Variants in ACOT4 observed in about 807,000 individuals in gnomAD.
The protein encoded by ACOT4 is peroxisomal succinyl-coenzyme A thioesterase.
A neutral mutation model predicts 17.1 loss-of-function variants in ACOT4; 18 were observed. The observed-to-expected ratio is 1.05, with a 90% CI of 0.73 to 1.56. ACOT4 has a LOEUF of 1.56. Ranked by LOEUF, ACOT4 falls within the 40% of genes most tolerant of loss-of-function variation. The pLI is 0.00. For missense variants in ACOT4, 574 were observed against 557.2 expected (o/e 1.03, Z -0.30); for synonymous variants, 234 against 236.6 (o/e 0.99, Z 0.10).
intron 2 of ACOT4, 70 bp downstream of exon 2, chr14:73,593,974 C>G: frequency 7.2e-7 from 1 of 1,380,406 alleles, no homozygotes; most frequent in South Asian, 1.5e-5. Flanking sequence ...ACCTTTACCA[C>G]GTGCAGAAAT....
Position 73,593,877 on chromosome 14 carries a change from C to T in ACOT4, c.633C>T (p.Ala211=), listed in dbSNP as rs770219539. ...DNISLEYFEE[A]VCYMLQHPQV... ...TATCCCTGGAGTACTTCGAAGAAGC[C>T]GTATGCTACATGCTTCAACATCCCC... Residue 211 remains alanine (A), a synonymous_variant, in exon 2 of 3, where the codon GCC becomes GCT. Coordinates refer to ENST00000326303, the MANE Select transcript of ACOT4 (RefSeq NM_152331.4). 1.5e-5 allele frequency: 25 copies of T among 1,613,432 alleles called. No individual in the cohort carries two copies. The highest frequency in any genetic ancestry group is 5.0e-5 in the Admixed American group (3 of 59,928).
chr14:73,592,408 T>C lies in ACOT4; in HGVS notation c.449T>C (p.Leu150Pro). 6.6e-7 allele frequency: 1 copy of C among 1,524,548 alleles called. No individual in the cohort carries two copies. The highest frequency in any genetic ancestry group is 8.8e-7 in the Non-Finnish European group (1 of 1,142,116). The allele number at this position is 1,524,548 out of a possible 1,614,324, so 94.4% of individuals were successfully genotyped here. A position where few individuals can be genotyped will look rare whatever the true frequency, so the allele number is the denominator to read the frequency against. ...RAGRVRATLF[L>P]PPGPGPFPGI... ...GGCCGGGTGCGCGCCACGCTCTTCC[T>C]GCCGCCAGGTGAGCCAGGCTGCTGG... Residue 150 changes from leucine (L) to proline (P), a missense_variant, in exon 1 of 3, where the codon CTG (leucine) becomes CCG (proline). Leu to Pro is a moderately conservative substitution (Grantham distance 98). Coordinates refer to ENST00000326303, the MANE Select transcript of ACOT4 (RefSeq NM_152331.4).
rs1314771221 is a variant in ACOT4, at chr14:73,595,059, C to A, written c.671C>A (p.Pro224Gln). 7 of 1,613,496 alleles carry A rather than the reference C, an allele frequency of 4.3e-6. No individual in the cohort carries two copies. Among genetic ancestry groups the A allele is most frequent in the Non-Finnish European group, 5.9e-6 (7 of 1,179,932 alleles). Residue 224 changes from proline to glutamine, a missense_variant, in exon 3 of 3, where the codon CCA (proline) becomes CAA (glutamine). Coordinates refer to ENST00000326303, the MANE Select transcript of ACOT4 (RefSeq NM_152331.4). ...CTTCTTTTCTTCCAGGTAAAAGGCC[C>A]AGGCATTGGGCTTTTGGGCATTTCT... ...YMLQHPQVKG[P>Q]GIGLLGISLG...
In ACOT4 at chr14:73,592,116, TGCGCCGACGCCC is replaced by T. The variant is rs746739002; in HGVS notation, c.161_172del (p.Ala54_Arg57del). 2.6e-6 allele frequency: 4 copies of T among 1,546,042 alleles called. No individual in the cohort carries two copies. Among genetic ancestry groups the T allele is most frequent in the South Asian group, 2.4e-5 (2 of 82,892 alleles). On this transcript the variant is annotated inframe_deletion, in exon 1 of 3. Transcript: ENST00000326303. The stretch of plus-strand genomic sequence containing the variant: ...GCTCTTCCGGGCCCACGCGCGCTAC[TGCGCCGACGCCC>T]GCGGCGAGCTGGACCTGGAGCGCGC...
At chr14:73,593,972 C>T (rs1051599976) in intron 2 of ACOT4, 68 bp downstream of exon 2, 34 of 1,398,026 alleles carry the variant, frequency 2.4e-5, no homozygotes, top group Non-Finnish European at 3.2e-5. Flanking sequence ...TAACCTTTAC[C>T]ACGTGCAGAA....
intron 1 of ACOT4, among the ~76,000 whole-genome samples, chr14:73,592,941 C>G (rs1890179163): frequency 6.6e-6 from 1 of 152,200 alleles, no homozygotes; most frequent in Admixed American, 6.5e-5. Flanking sequence ...TCTATAATAT[C>G]CCAATGAAGT....
At chr14:73,592,746 G>C (rs11159028) in intron 1 of ACOT4, among the ~76,000 whole-genome samples, 1 of 152,034 alleles carries the variant, frequency 6.6e-6, no homozygotes, top group East Asian at 1.9e-4. Flanking sequence ...CCAGCCACTC[G>C]GGAGGCTGAG....
At chr14:73,592,778 G>A (rs1464023074) in intron 1 of ACOT4, among the ~76,000 whole-genome samples, 1 of 152,146 alleles carries the variant, frequency 6.6e-6, no homozygotes, top group Non-Finnish European at 1.5e-5. Context: ...GCTTGAACCT[G>A]GGAGATGGAG....
chr14:73,595,616 C>G lies in ACOT4; in HGVS notation c.1228C>G (p.Leu410Val), dbSNP rs1029393372. The G allele has an allele frequency of 6.5e-7, 1 of 1,539,166 alleles. No homozygotes were observed. ...KQILAFFCKH[L>V]GGTQKTAVPK... ...AATTCTAGCCTTCTTCTGCAAACAC[C>G]TGGGAGGTACCCAGAAAACAGCTGT... The change falls in exon 3 of 3, where the codon CTG becomes GTG. Residue 410 changes from leucine to valine, a missense_variant. Physicochemically the swap from Leu to Val is conservative, Grantham distance 32. Transcript: ENST00000326303.
At chr14:73,593,506 T>TA (rs1160615266) in intron 1 of ACOT4, among the ~76,000 whole-genome samples, 196 bp from the exon 2 acceptor site, 405 of 139,904 alleles carry the variant, frequency 2.9e-3, no homozygotes, top group Middle Eastern at 7.1e-3. Flanking sequence ...ACTGACTAAT[T>TA]AAAAAAAAAA....
chr14:73,595,467 A>G lies in ACOT4; in HGVS notation c.1079A>G (p.His360Arg), dbSNP rs1890231911. The G allele has an allele frequency of 6.2e-7, 1 of 1,614,176 alleles. No individual in the cohort carries two copies. Among genetic ancestry groups the G allele is most frequent in the East Asian group, 2.2e-5 (1 of 44,876 alleles). ...PQIICYPGTG[H>R]YIEPPYFPLC... ...ATCATCTGTTACCCTGGGACTGGGC[A>G]TTACATCGAGCCTCCTTACTTCCCC... Residue 360 changes from histidine to arginine, a missense_variant, in exon 3 of 3, where the codon CAT (histidine) becomes CGT (arginine). Coordinates refer to ENST00000326303, the MANE Select transcript of ACOT4 (RefSeq NM_152331.4).
intron 2 of ACOT4, 27 bp from the exon 3 acceptor site, chr14:73,595,022 C>G: frequency 1.9e-6 from 3 of 1,609,312 alleles, no homozygotes; most frequent in Non-Finnish European, 2.5e-6. Context: ...GTTATTGACT[C>G]AACTCTCCTC....
At chr14:73,592,656 C>G (rs1890175294) in intron 1 of ACOT4, among the ~76,000 whole-genome samples, 1 of 152,138 alleles carries the variant, frequency 6.6e-6, no homozygotes, top group Admixed American at 6.5e-5. Flanking sequence ...AGTTTGAGAC[C>G]AGACTGGCCA....
intron 1 of ACOT4, 77 bp downstream of exon 1, chr14:73,592,493 T>C: frequency 7.1e-7 from 1 of 1,411,960 alleles, no homozygotes; most frequent in South Asian, 1.5e-5. Context: ...GATTTAGCAC[T>C]GGTTTGGTTT....
Position 73,595,755 on chromosome 14 carries a change from C to A in ACOT4, c.*101C>A. 1 of 1,338,982 alleles carries A rather than the reference C, an allele frequency of 7.5e-7. No homozygotes were observed. The highest frequency in any genetic ancestry group is 2.0e-5 in the South Asian group (1 of 49,666). 82.9% of individuals were successfully genotyped at this position (1,338,982 alleles called of 1,614,324 possible). ...CTCCTGGATAACATTAAAGCCATGT[C>A]TTTGTCATTAATGGTGTATTTTACG... On this transcript the variant is annotated 3_prime_UTR_variant, in exon 3 of 3. Transcript: ENST00000326303.
Position 73,595,615 on chromosome 14 carries a change from C to T in ACOT4, c.1227C>T (p.His409=). ...WKQILAFFCK[H]LGGTQKTAVP... is the part of the protein sequence containing the mutation. ...AAATTCTAGCCTTCTTCTGCAAACACCTGGGAGGTACCCAGAAAACAGCTG... is the reference window on the plus strand; with the variant it reads ...AAATTCTAGCCTTCTTCTGCAAACATCTGGGAGGTACCCAGAAAACAGCTG... Residue 409 remains histidine (H), a synonymous_variant, in exon 3 of 3, where the codon CAC becomes CAT. Transcript: ENST00000326303. The T allele has an allele frequency of 6.5e-7, 1 of 1,540,892 alleles. No homozygotes were observed.
At position 73,595,619 on chromosome 14, in the gene ACOT4, G is replaced by C. The variant is rs201272384; in HGVS notation, c.1231G>C (p.Gly411Arg). ...QILAFFCKHL[G>R]GTQKTAVPKL ...TCTAGCCTTCTTCTGCAAACACCTGGGAGGTACCCAGAAAACAGCTGTCCC... is the reference window on the plus strand; with the variant it reads ...TCTAGCCTTCTTCTGCAAACACCTGCGAGGTACCCAGAAAACAGCTGTCCC... The change falls in exon 3 of 3, where the codon GGA becomes CGA. Residue 411 changes from glycine to arginine, a missense_variant. Gly to Arg is a moderately radical substitution (Grantham distance 125). Coordinates refer to ENST00000326303, the MANE Select transcript of ACOT4 (RefSeq NM_152331.4). The C allele has an allele frequency of 2.3e-5, 35 of 1,536,522 alleles. No homozygotes were observed. In the East Asian group the frequency reaches 5.0e-4, roughly 22 times the overall value.
chr14:73,592,337 G>T lies in ACOT4; in HGVS notation c.378G>T (p.Glu126Asp), dbSNP rs368085846. The T allele has an allele frequency of 1.9e-6, 3 of 1,603,656 alleles. No homozygotes were observed. The highest frequency in any genetic ancestry group is 2.6e-6 in the Non-Finnish European group (3 of 1,175,774). The change falls in exon 1 of 3, where the codon GAG becomes GAT. Residue 126 changes from glutamate (E) to aspartate (D), a missense_variant. Glu to Asp is a conservative substitution (Grantham distance 45, BLOSUM62 2). Coordinates refer to ENST00000326303, the MANE Select transcript of ACOT4 (RefSeq NM_152331.4). Reference sequence around the variant, plus strand: ...GGCTGCTGTGCCAGGCGCAGCACGAGCGCCACTTCCTCCCGCCAGGGGTGC... The same window carrying T: ...GGCTGCTGTGCCAGGCGCAGCACGATCGCCACTTCCTCCCGCCAGGGGTGC... ...PGRLLCQAQH[E>D]RHFLPPGVRR...
chr14:73,592,268 C>T lies in ACOT4; in HGVS notation c.309C>T (p.Val103=), dbSNP rs1255036674. The T allele has an allele frequency of 6.2e-7, 1 of 1,613,040 alleles. No individual in the cohort carries two copies. The highest frequency in any genetic ancestry group is 1.7e-5 in the Admixed American group (1 of 59,928). The change falls in exon 1 of 3, where the codon GTC becomes GTT. Residue 103 remains valine, a synonymous_variant. Transcript: ENST00000326303. ...AGCGGGACGTACAGATTCCTTTTGT[C>T]GTGGAGTTGGAGGTGCTGGACGGCC... ...FLKRDVQIPF[V]VELEVLDGHD...
Sources: allele counts gnomAD v4.1 joint callset (sites outside exome capture counted in the v4.1 genomes callset), GRCh38; gene constraint gnomAD v4.1.1; transcripts MANE v1.5; gene names NCBI Gene and HGNC (gene_info 2026-07-23, HGNC 2026-07-21).